KCNA2: variants seen among roughly 807,000 people sequenced by gnomAD.
The protein encoded by KCNA2 is potassium voltage-gated channel subfamily A member 2.
Under a neutral mutation model 33.4 loss-of-function variants are expected in KCNA2, and 11 were observed. The ratio of observed to expected loss-of-function variants is 0.33; its 90% CI spans 0.21 to 0.55. KCNA2 has a LOEUF of 0.55. Among genes scored for constraint, KCNA2 ranks in the 20% least tolerant of loss-of-function variants. The pLI, the probability that KCNA2 is intolerant of heterozygous loss-of-function variation, is 0.93. For missense variants in KCNA2, 291 were observed against 621.6 expected, an observed-to-expected ratio of 0.47 and a Z score of 5.66; for synonymous variants, 222 against 231.3, an observed-to-expected ratio of 0.96 and a Z score of 0.37.
Position 110,600,941 on chromosome 1 carries a change from C to A in KCNA2, c.*2342G>T. The stretch of plus-strand genomic sequence containing the variant: ...GGCAGCAGTGAGGCCTGGGCTGGAG[C>A]CACCCCTGCATAGCCCGACCCCTGC... On this transcript the variant is annotated 3_prime_UTR_variant, in exon 3 of 3. Transcript: ENST00000316361. 1.0e-6 allele frequency: 1 copy of A among 985,456 alleles called. No individual in the cohort carries two copies. The highest frequency in any genetic ancestry group is 1.2e-6 in the Non-Finnish European group (1 of 829,974). The allele number at this position is 985,456 out of a possible 1,614,324, so 61.0% of individuals were successfully genotyped here.
chr1:110,604,228 C>T lies in KCNA2; in HGVS notation c.555G>A (p.Leu185=), dbSNP rs553243804. ...CTTCATTCTCATCCCGGAAGATGGG[C>T]AATGTTTCCAGACAGAAGCTGACAA... ...ISIVSFCLET[L]PIFRDENEDM... is the part of the protein sequence containing the mutation. Residue 185 remains leucine, a synonymous_variant, in exon 3 of 3, where the codon TTG becomes TTA. Transcript: ENST00000316361. The surrounding 1 kb of genome is among the most constrained non-coding windows in gnomAD (Gnocchi z 7.6). The T allele has an allele frequency of 9.4e-5, 151 of 1,614,160 alleles. No individual in the cohort carries two copies. In the South Asian group the frequency reaches 1.5e-3, roughly 16 times the overall value.
rs1217542162 is a variant in KCNA2, at chr1:110,604,774, C to T, written c.9G>A (p.Val3=). ...CCTCGTCTGCTGGGTCTCCGGTGGC[C>T]ACTGTCATAATTGGGACTGAGAGAA... is the stretch of plus-strand genomic sequence containing the variant. MT[V]ATGDPADEAA... is the part of the protein sequence containing the mutation. Residue 3 remains valine, a synonymous_variant, in exon 3 of 3, where the codon GTG becomes GTA. Coordinates refer to ENST00000316361, the MANE Select transcript of KCNA2 (RefSeq NM_004974.4). This position sits in a 1 kb window ranked among gnomAD's most constrained non-coding sequence, Gnocchi z 7.6. 3 of 1,612,002 alleles carry T rather than the reference C, an allele frequency of 1.9e-6. No individual in the cohort carries two copies. The highest frequency in any genetic ancestry group is 3.3e-5 in the Admixed American group (2 of 59,796).
intron 1 of KCNA2, among the ~76,000 whole-genome samples, chr1:110,619,801 GA>G (rs1445475786): frequency 5.9e-5 from 9 of 152,286 alleles, no homozygotes; most frequent in Non-Finnish European, 1.3e-4. Context: ...TCACCTCTCT[GA>G]CAACACCTCC....
Position 110,597,207 on chromosome 1 carries a change from G to A in KCNA2, c.*6076C>T. Reference sequence around the variant, plus strand: ...ACTGATCCCAAGTGCAAACCTCCAGGCCACATTCCCTCAGCATCCGTCTCC... The same window carrying A: ...ACTGATCCCAAGTGCAAACCTCCAGACCACATTCCCTCAGCATCCGTCTCC... On this transcript the variant is annotated 3_prime_UTR_variant, in exon 3 of 3. Transcript: ENST00000316361. 1 of 985,412 alleles carries A rather than the reference G, an allele frequency of 1.0e-6. No homozygotes were observed. The highest frequency in any genetic ancestry group is 1.2e-6 in the Non-Finnish European group (1 of 829,944). The allele number at this position is 985,412 out of a possible 1,614,324, so 61.0% of individuals were successfully genotyped here.
intron 1 of KCNA2, among the ~76,000 whole-genome samples, chr1:110,623,088 A>G (rs184069363): frequency 1.8e-4 from 27 of 152,356 alleles, no homozygotes; most frequent in Non-Finnish European, 1.2e-4. Context: ...CTGCAGTAAT[A>G]AAAACAATGT....
In KCNA2 at chr1:110,598,297, T is replaced by G; in HGVS notation, c.*4986A>C. 1.2e-6 allele frequency: 1 copy of G among 815,666 alleles called. No individual in the cohort carries two copies. The highest frequency in any genetic ancestry group is 1.5e-6 in the Non-Finnish European group (1 of 675,280). The allele number at this position is 815,666 out of a possible 1,614,324, so 50.5% of individuals were successfully genotyped here. On this transcript the variant is annotated 3_prime_UTR_variant, in exon 3 of 3. Transcript: ENST00000316361. ...AGCTCAGCACCATCATCCCCTCTCT[T>G]GAGTAAACAAGTCAAAGCACTGTGC... is the stretch of plus-strand genomic sequence containing the variant.
Position 110,601,881 on chromosome 1 carries a change from C to A in KCNA2, c.*1402G>T. On this transcript the variant is annotated 3_prime_UTR_variant, in exon 3 of 3. Coordinates refer to ENST00000316361, the MANE Select transcript of KCNA2 (RefSeq NM_004974.4). ...ATATATACACCCTAGTGCACATAGT[C>A]AAACACATGCATAAATTGCCCTTTG... 1 of 1,450,944 alleles carries A rather than the reference C, an allele frequency of 6.9e-7. No individual in the cohort carries two copies. The highest frequency in any genetic ancestry group is 1.4e-5 in the South Asian group (1 of 69,052). 89.9% of individuals were successfully genotyped at this position (1,450,944 alleles called of 1,614,324 possible).
rs555068946 is a variant in KCNA2 at position 110,612,323 on chromosome 1, A to G, written c.-495-6601T>C. On this transcript the variant is annotated intron_variant, in intron 1 of 4. Transcript: ENST00000369770. ...ATAGCCTGCCACACACCCAGGCTGT[A>G]TGGTAGAGCCTTTTGCCCTAGGCTA... 6.6e-5 allele frequency among the ~76,000 whole-genome samples: 10 copies of G among 152,332 alleles called. No individual in the cohort carries two copies. In the South Asian group the frequency reaches 2.1e-3, roughly 32 times the overall value.
At position 110,594,011 on chromosome 1, in the gene KCNA2, C is replaced by G. The variant is rs1372986136; in HGVS notation, c.*9272G>C. The G allele has an allele frequency of 1.6e-5, 25 of 1,541,696 alleles. 1 individual carries two copies. The East Asian group carries it at 5.9e-4, about 36-fold the overall frequency. ...CCCGCAAGTCCTGCTCCGCCTTCAGCTCTCATTGGTCCCCAGCCTCTTATC... is the reference window on the plus strand; with the variant it reads ...CCCGCAAGTCCTGCTCCGCCTTCAGGTCTCATTGGTCCCCAGCCTCTTATC... On this transcript the variant is annotated 3_prime_UTR_variant, in exon 3 of 3. Coordinates refer to ENST00000316361, the MANE Select transcript of KCNA2 (RefSeq NM_004974.4).
upstream of KCNA2, chr1:110,606,662 C>A (rs1649643403): frequency 6.6e-6 from 1 of 152,300 alleles, no homozygotes; most frequent in Non-Finnish European, 1.5e-5. Flanking sequence ...AGCTCTTAAG[C>A]CCCCGGCGTC....
intron 1 of KCNA2, among the ~76,000 whole-genome samples, chr1:110,628,406 C>G (rs995878380): frequency 6.6e-6 from 1 of 152,158 alleles, no homozygotes; most frequent in African/African-American, 2.4e-5. Context: ...TGTGAAGAAG[C>G]CTCCTGGGTG....
Position 110,603,406 on chromosome 1 carries a change from C to CAGG in KCNA2, c.1376_1377insCCT (p.Met459delinsIleLeu). The CAGG allele has an allele frequency of 6.2e-7, 1 of 1,614,156 alleles. No individual in the cohort carries two copies. The highest frequency in any genetic ancestry group is 8.5e-7 in the Non-Finnish European group (1 of 1,180,038). ...TGTTATTTACACCCTCCTGGATCTC[C>CAGG]ATGTAATCAGACTTACTAATGGTAG... On this transcript the variant is annotated protein_altering_variant, in exon 3 of 3. Coordinates refer to ENST00000316361, the MANE Select transcript of KCNA2 (RefSeq NM_004974.4). The surrounding 1 kb of genome is among the most constrained non-coding windows in gnomAD (Gnocchi z 5.7).
intron 1 of KCNA2, among the ~76,000 whole-genome samples, chr1:110,612,775 G>C (rs953296704): frequency 3.9e-5 from 6 of 152,192 alleles, no homozygotes; most frequent in African/African-American, 1.4e-4. Context: ...TTCATGATCT[G>C]ATGTTCCCCT....
chr1:110,620,783 A>G (rs1053203574), intron 1 of KCNA2, among the ~76,000 whole-genome samples: 2 of 152,070 alleles, frequency 1.3e-5, no homozygotes, highest in Admixed American at 6.5e-5. Context: ...TCCTTCCCAC[A>G]CACCCCCAGC....
chr1:110,614,586 C>T (rs1185683451), intron 1 of KCNA2, among the ~76,000 whole-genome samples: 2 of 152,190 alleles, frequency 1.3e-5, no homozygotes, highest in Non-Finnish European at 2.9e-5. Flanking sequence ...ACTTTATTAC[C>T]AGGTGACCTT....
intron 1 of KCNA2, among the ~76,000 whole-genome samples, chr1:110,617,872 G>A (rs1650118758): frequency 6.6e-6 from 1 of 152,182 alleles, no homozygotes; most frequent in African/African-American, 2.4e-5. Flanking sequence ...GGGGTTTGTG[G>A]GGCTGCTCTG....
At chr1:110,627,323 C>A (rs186309547) in intron 1 of KCNA2, among the ~76,000 whole-genome samples, 1 of 152,184 alleles carries the variant, frequency 6.6e-6, no homozygotes, top group Non-Finnish European at 1.5e-5. Context: ...AGAAAACACT[C>A]GGCACACCGC....
chr1:110,621,396 AT>A (rs1250865768), intron 1 of KCNA2, among the ~76,000 whole-genome samples: 3 of 152,360 alleles, frequency 2.0e-5, no homozygotes, highest in Non-Finnish European at 4.4e-5. Context: ...ATATGCTTAT[AT>A]TAGAAAAGAA....
rs765999960 is a variant in KCNA2 at position 110,603,429 on chromosome 1, T to A, written c.1354A>T (p.Thr452Ser). The change falls in exon 3 of 3, where the codon ACC (threonine) becomes TCC (serine). Residue 452 changes from threonine (T) to serine (S), a missense_variant. Coordinates refer to ENST00000316361, the MANE Select transcript of KCNA2 (RefSeq NM_004974.4). This position sits in a 1 kb window ranked among gnomAD's most constrained non-coding sequence, Gnocchi z 5.7. ...TCCATGTAATCAGACTTACTAATGG[T>A]AGAGGCACTTCTACTTTTCTTTAGG... ...PDLKKSRSAS[T>S]ISKSDYMEIQ... The A allele has an allele frequency of 1.2e-6, 2 of 1,614,198 alleles. No homozygotes were observed. The highest frequency in any genetic ancestry group is 3.3e-5 in the Admixed American group (2 of 60,028).
Sources: gnomAD v4.1 joint callset for allele counts (sites outside exome capture counted in the v4.1 genomes callset) on GRCh38, gnomAD v4.1.1 for gene constraint, Gnocchi (gnomAD v3.1) non-coding constraint, MANE v1.5 for transcripts, NCBI Gene and HGNC (gene_info 2026-07-23, HGNC 2026-07-21) for gene names.